Variants in UBR2 observed in about 807,000 individuals in gnomAD.
UBR2 encodes ubiquitin protein ligase E3 component n-recognin 2, also known as E3 ubiquitin-protein ligase UBR2.
Under a neutral mutation model 247.9 loss-of-function variants are expected in UBR2, and 92 were observed. That is an observed-to-expected ratio of 0.37 (90% CI 0.31 to 0.44). UBR2 has a LOEUF of 0.44. Among genes scored for constraint, UBR2 ranks in the 20% least tolerant of loss-of-function variants. The probability of loss-of-function intolerance (pLI) is 1.00; values close to 1 mark genes in which losing one functional copy is unlikely to be tolerated. For missense variants in UBR2, 1,613 were observed against 2,112.6 expected (o/e 0.76, Z 4.64); for synonymous variants, 672 against 693.5 (o/e 0.97, Z 0.49).
At chr6:42,632,936 C>CTTTTTTTTTTTTTT in intron 13 of UBR2, 32 bp downstream of exon 13, 1 of 920,008 alleles carries the variant, frequency 1.1e-6, no homozygotes, top group Non-Finnish European at 1.4e-6. Context: ...TTTCTTTTTC[C>CTTTTTTTTTTTTTT]TTTTTTTTTT....
chr6:42,569,268 A>G (rs1046408518), intron 1 of UBR2, among the ~76,000 whole-genome samples: 1 of 152,212 alleles, frequency 6.6e-6, no homozygotes, highest in African/African-American at 2.4e-5. Context: ...ATTGTTTTAC[A>G]TTCCCACCAG....
chr6:42,605,978 G>A, intron 6 of UBR2, 119 bp downstream of exon 6: 1 of 946,180 alleles, frequency 1.1e-6, no homozygotes, highest in Non-Finnish European at 1.5e-6. Context: ...AATTTCATTT[G>A]TCATGCCTGT....
rs1450450012 is a variant in UBR2 at position 42,689,136 on chromosome 6, G to C, written c.5025-433G>C. ...AGGAGGCGCGTGTCACTGGAGTGTT[G>C]TGCACAGGTGAGAGAATCCAGGGGC... On this transcript the variant is annotated intron_variant, in intron 45 of 46. Coordinates refer to ENST00000372901, the MANE Select transcript of UBR2 (RefSeq NM_001363705.2). This position sits in a 1 kb window ranked among gnomAD's most constrained non-coding sequence, Gnocchi z 4.0. Among the ~76,000 whole-genome samples the C allele has an allele frequency of 1.3e-5, 2 of 152,206 alleles. No homozygotes were observed. Among genetic ancestry groups the C allele is most frequent in the Non-Finnish European group, 2.9e-5 (2 of 68,046 alleles).
At chr6:42,592,092 C>A in intron 2 of UBR2, 59 bp from the exon 3 acceptor site, 2 of 1,455,160 alleles carry the variant, frequency 1.4e-6, no homozygotes, top group Middle Eastern at 1.9e-4. Context: ...TGAAATAATT[C>A]TGTTGTGAAA....
chr6:42,626,095 T>C (rs1795332826), intron 11 of UBR2, among the ~76,000 whole-genome samples: 1 of 152,244 alleles, frequency 6.6e-6, no homozygotes, highest in Admixed American at 6.5e-5. Context: ...ATTACAGGCG[T>C]GAGCCACCGT....
At position 42,678,739 on chromosome 6, in the gene UBR2, C is replaced by T. The variant is rs533566208; in HGVS notation, c.4609+70C>T. On this transcript the variant is annotated intron_variant, in intron 41 of 46. Transcript: ENST00000372901. ...TTTACTCCAGCAAATATAAAGATCA[C>T]TTGCAAAAATGAAAATTGACTAAAA... 4.8e-5 allele frequency: 73 copies of T among 1,516,420 alleles called. 1 individual carries two copies. The South Asian group carries it at 9.3e-4, about 19-fold the overall frequency. 93.9% of individuals were successfully genotyped at this position (1,516,420 alleles called of 1,614,324 possible). A position where few individuals can be genotyped will look rare whatever the true frequency, so the allele number is the denominator to read the frequency against.
rs1021763464 is a variant in UBR2, at chr6:42,692,470, A to G, written c.*1297A>G. 6.6e-6 allele frequency: 1 copy of G among 152,144 alleles called. No individual in the cohort carries two copies. Among genetic ancestry groups the G allele is most frequent in the African/African-American group, 2.4e-5 (1 of 41,420 alleles). 9.4% of individuals were successfully genotyped at this position (152,144 alleles called of 1,614,324 possible). A position where few individuals can be genotyped will look rare whatever the true frequency, so the allele number is the denominator to read the frequency against. ...AATTATTATGTACCACACAACTACT[A>G]TTGTTTGATGTATGACTGCTGAGAG... On this transcript the variant is annotated 3_prime_UTR_variant, in exon 47 of 47. Coordinates refer to ENST00000372901, the MANE Select transcript of UBR2 (RefSeq NM_001363705.2).
In UBR2 at chr6:42,659,606, T is replaced by C; in HGVS notation, c.3243-50T>C. 1 of 1,532,686 alleles carries C rather than the reference T, an allele frequency of 6.5e-7. No individual in the cohort carries two copies. Among genetic ancestry groups the C allele is most frequent in the African/African-American group, 1.4e-5 (1 of 73,012 alleles). 94.9% of individuals were successfully genotyped at this position (1,532,686 alleles called of 1,614,324 possible). ...CCTGTAGTCTGCTATTTTGTGATTA[T>C]ATAGAAAGTTTTGGGATCATTAATT... On this transcript the variant is annotated intron_variant, in intron 29 of 46. Transcript: ENST00000372901. This position sits in a 1 kb window ranked among gnomAD's most constrained non-coding sequence, Gnocchi z 4.3.
At chr6:42,680,069 G>A (rs1582721578) in intron 42 of UBR2, among the ~76,000 whole-genome samples, 1 of 152,252 alleles carries the variant, frequency 6.6e-6, no homozygotes, top group African/African-American at 2.4e-5. Context: ...GCAGTGGCAT[G>A]ATCTTGGCTC....
At chr6:42,605,631 T>C in intron 5 of UBR2, 90 bp from the exon 6 acceptor site, 1 of 1,233,204 alleles carries the variant, frequency 8.1e-7, no homozygotes, top group Non-Finnish European at 1.1e-6. Flanking sequence ...ACCTAGCACA[T>C]TGCATAGGAC....
intron 13 of UBR2, among the ~76,000 whole-genome samples, chr6:42,635,023 T>G (rs1273696968): frequency 6.6e-6 from 1 of 152,324 alleles, no homozygotes; most frequent in African/African-American, 2.4e-5. Context: ...GGACATAATA[T>G]TAAAACTTTA....
At chr6:42,613,469 C>CAT (rs1477925182) in intron 8 of UBR2, among the ~76,000 whole-genome samples, 1 of 152,140 alleles carries the variant, frequency 6.6e-6, no homozygotes, top group Non-Finnish European at 1.5e-5. Flanking sequence ...CTCCTCTAGT[C>CAT]ATAACACTCT....
intron 34 of UBR2, among the ~76,000 whole-genome samples, chr6:42,666,767 T>C (rs1420348464): frequency 6.6e-6 from 1 of 152,168 alleles, no homozygotes; most frequent in Non-Finnish European, 1.5e-5. Context: ...TAACCCAGGA[T>C]TAAAACCAGA....
At chr6:42,685,371 CTA>C (rs1271044479) in intron 44 of UBR2, among the ~76,000 whole-genome samples, 1 of 151,046 alleles carries the variant, frequency 6.6e-6, no homozygotes, top group East Asian at 2.0e-4. Context: ...CATCATTTCA[CTA>C]TGTTTCAGAA....
chr6:42,628,749 CT>C (rs1795512691), intron 11 of UBR2, among the ~76,000 whole-genome samples: 2 of 148,142 alleles, frequency 1.4e-5, no homozygotes, highest in East Asian at 4.0e-4. Flanking sequence ...AAAAATAGTG[CT>C]TATAATTCAA....
rs750407610 is a variant in UBR2, at chr6:42,641,697, G to A, written c.2031+5G>A. ...GGGTTCTCTCTAGTAAACCAGGTAA[G>A]TGTTTTCTAATTCTATGAAGAGTTT... On this transcript the variant is annotated splice_donor_5th_base_variant and intron_variant, in intron 17 of 46. Coordinates refer to ENST00000372901, the MANE Select transcript of UBR2 (RefSeq NM_001363705.2). 1 of 1,602,084 alleles carries A rather than the reference G, an allele frequency of 6.2e-7. No homozygotes were observed. Among genetic ancestry groups the A allele is most frequent in the Admixed American group, 1.7e-5 (1 of 58,962 alleles).
chr6:42,574,525 G>A (rs1233561110), intron 2 of UBR2, among the ~76,000 whole-genome samples: 1 of 152,076 alleles, frequency 6.6e-6, no homozygotes, highest in Non-Finnish European at 1.5e-5. Flanking sequence ...TCTGGGTGCT[G>A]TATGCATTTA....
At chr6:42,667,782 CAG>C (rs1437667037) in intron 34 of UBR2, among the ~76,000 whole-genome samples, 1 of 122,882 alleles carries the variant, frequency 8.1e-6, no homozygotes, top group African/African-American at 3.1e-5. Context: ...TTTTTTGAGA[CAG>C]AGTCTCACTC....
intron 42 of UBR2, among the ~76,000 whole-genome samples, chr6:42,680,689 A>C (rs909895053): frequency 6.6e-6 from 1 of 152,238 alleles, no homozygotes; most frequent in Non-Finnish European, 1.5e-5. Context: ...CAATCATGTC[A>C]AGTTAGTGAC....
Sources: allele counts gnomAD v4.1 joint callset (sites outside exome capture counted in the v4.1 genomes callset), GRCh38; gene constraint gnomAD v4.1.1; non-coding constraint Gnocchi (gnomAD v3.1); transcripts MANE v1.5; gene names NCBI Gene and HGNC (gene_info 2026-07-23, HGNC 2026-07-21).